PCDHGB4: variants seen among roughly 807,000 people sequenced by gnomAD.
PCDHGB4 encodes the protein protocadherin gamma-B4.
Under a neutral mutation model 60.5 loss-of-function variants are expected in PCDHGB4, and 38 were observed. That is an observed-to-expected ratio of 0.63 (90% CI 0.48 to 0.82). PCDHGB4 has a LOEUF of 0.82. Ranked by LOEUF, PCDHGB4 falls within the 40% of genes least tolerant of loss-of-function variation. The pLI is 0.00. For synonymous variants in PCDHGB4, 456 were observed against 509.7 expected, an observed-to-expected ratio of 0.89 and a Z score of 1.42; for missense variants, 1,109 against 1,209.6, an observed-to-expected ratio of 0.92 and a Z score of 1.23.
intron 1 of PCDHGB4, chr5:141,400,541 T>C: frequency 6.2e-7 from 1 of 1,613,832 alleles, no homozygotes; most frequent in Admixed American, 1.7e-5. Flanking sequence ...TTCATTTATG[T>C]CTATTCTTTT....
intron 1 of PCDHGB4, chr5:141,404,674 T>C: frequency 1.9e-6 from 3 of 1,614,176 alleles, no homozygotes; most frequent in East Asian, 2.2e-5. Context: ...GTTCTACTGG[T>C]GTGGAGCTGG....
intron 1 of PCDHGB4, chr5:141,423,287 C>T: frequency 6.3e-7 from 1 of 1,586,406 alleles, no homozygotes; most frequent in South Asian, 1.1e-5. Flanking sequence ...AACTCTGAAA[C>T]CTCAGACCTC....
intron 1 of PCDHGB4, chr5:141,398,032 C>A: frequency 6.8e-7 from 1 of 1,469,940 alleles, no homozygotes; most frequent in South Asian, 1.4e-5. Flanking sequence ...GGAACTGGAA[C>A]TAAAGCCCGT....
intron 1 of PCDHGB4, chr5:141,423,612 T>G: frequency 6.2e-7 from 1 of 1,611,004 alleles, no homozygotes; most frequent in Non-Finnish European, 8.5e-7. Flanking sequence ...TCTTGATAGC[T>G]GAAGACTCAG....
At position 141,388,909 on chromosome 5, in the gene PCDHGB4, C is replaced by T; in HGVS notation, c.1025C>T (p.Ala342Val). The change falls in exon 1 of 4, where the codon GCC becomes GTC. Residue 342 changes from alanine to valine, a missense_variant. Around this residue, in one of 2 missense-constraint regions of PCDHGB4, gnomAD observed 1,068 missense variants for 1,089.9 expected, o/e 0.98. Coordinates refer to ENST00000519479, the MANE Select transcript of PCDHGB4 (RefSeq NM_003736.4). ...EVEVIDENDNAPEVIFQSLPN... is the reference protein window; with the variant it reads ...EVEVIDENDNVPEVIFQSLPN... The stretch of plus-strand genomic sequence containing the variant: ...GAAGTCATAGATGAAAATGACAACG[C>T]CCCAGAAGTGATATTCCAGTCTCTA... 6.2e-7 allele frequency: 1 copy of T among 1,613,902 alleles called. No homozygotes were observed.
At position 141,404,057 on chromosome 5, in the gene PCDHGB4, T is replaced by G. The variant is rs558471539; in HGVS notation, c.2397+13776T>G. ...ACCTCAGGGAACAGTAATTCTTCTT[T>G]TCAATGCTCATGACCGAGACTCCGG... On this transcript the variant is annotated intron_variant, in intron 1 of 3. Coordinates refer to ENST00000519479, the MANE Select transcript of PCDHGB4 (RefSeq NM_003736.4). 9.5e-5 allele frequency: 154 copies of G among 1,613,894 alleles called. No individual in the cohort carries two copies. The East Asian group carries it at 3.4e-3, about 36-fold the overall frequency.
intron 1 of PCDHGB4, chr5:141,393,962 CTG>C: frequency 6.2e-7 from 1 of 1,613,894 alleles, no homozygotes; most frequent in Non-Finnish European, 8.5e-7. Context: ...GTCAAGTTGT[CTG>C]TTACACACGT....
Position 141,432,917 on chromosome 5 carries a change from C to A in PCDHGB4, c.2397+42636C>A. 6.2e-7 allele frequency: 1 copy of A among 1,614,166 alleles called. No homozygotes were observed. Among genetic ancestry groups the A allele is most frequent in the South Asian group, 1.1e-5 (1 of 91,086 alleles). On this transcript the variant is annotated intron_variant, in intron 1 of 3. Transcript: ENST00000519479. This position sits in a 1 kb window ranked among gnomAD's most constrained non-coding sequence, Gnocchi z 6.0. The stretch of plus-strand genomic sequence containing the variant: ...GCTGGCGCTCAGGCTGCGGCGCTGG[C>A]ACAAGTCACGCCTGCTGCAGGCTTC...
At chr5:141,456,175 A>G (rs2154565434) in intron 1 of PCDHGB4, among the ~76,000 whole-genome samples, 1 of 151,840 alleles carries the variant, frequency 6.6e-6, no homozygotes, top group East Asian at 1.9e-4. Context: ...GGGATTACAG[A>G]ATAATTTCTT....
At chr5:141,500,184 TTTTATTTATTTA>T (rs58019021) in intron 2 of PCDHGB4, among the ~76,000 whole-genome samples, 197 of 135,960 alleles carry the variant, frequency 1.4e-3, no homozygotes, top group African/African-American at 3.6e-3. Context: ...TCATTTTTAT[TTTTATTTATTTA>T]TTTATTTATT....
Position 141,431,560 on chromosome 5 carries a change from C to G in PCDHGB4, c.2397+41279C>G, listed in dbSNP as rs751276470. The G allele has an allele frequency of 6.2e-7, 1 of 1,613,986 alleles. No individual in the cohort carries two copies. The highest frequency in any genetic ancestry group is 1.7e-5 in the Admixed American group (1 of 60,016). On this transcript the variant is annotated intron_variant, in intron 1 of 3. Transcript: ENST00000519479. This position sits in a 1 kb window ranked among gnomAD's most constrained non-coding sequence, Gnocchi z 4.8. Reference sequence around the variant, plus strand: ...CGCAGCTGCTTGTAGTCAACGCTACCGACCCTGACGAAGGAGTCAATGCGG... The same window carrying G: ...CGCAGCTGCTTGTAGTCAACGCTACGGACCCTGACGAAGGAGTCAATGCGG...
chr5:141,468,463 T>G (rs574151637), intron 1 of PCDHGB4: 6 of 152,282 alleles, frequency 3.9e-5, no homozygotes, highest in African/African-American at 1.4e-4. Flanking sequence ...AGCAAGTTAT[T>G]TCTGAGGAGA....
chr5:141,415,095 C>G, intron 1 of PCDHGB4: 2 of 1,613,584 alleles, frequency 1.2e-6, no homozygotes, highest in Non-Finnish European at 1.7e-6. Context: ...TGGACAGAGA[C>G]GCGCTCAAGC....
At chr5:141,427,461 G>A (rs1397917549) in intron 1 of PCDHGB4, 1 of 497,998 alleles carries the variant, frequency 2.0e-6, no homozygotes, top group Admixed American at 2.3e-5. Context: ...TTTTAGAATC[G>A]AATCTTCCGC....
intron 1 of PCDHGB4, among the ~76,000 whole-genome samples, chr5:141,474,000 C>T (rs2099336161): frequency 6.6e-6 from 1 of 152,076 alleles, no homozygotes. Context: ...GCCCAAGGAG[C>T]TGGAAGTTAC....
chr5:141,499,572 T>C (rs2099792782), intron 2 of PCDHGB4, among the ~76,000 whole-genome samples: 1 of 152,178 alleles, frequency 6.6e-6, no homozygotes, highest in Admixed American at 6.5e-5. Flanking sequence ...CAGCTTCAAC[T>C]AATGCCTTAT....
At chr5:141,409,979 G>T in intron 1 of PCDHGB4, 1 of 1,613,348 alleles carries the variant, frequency 6.2e-7, no homozygotes, top group Non-Finnish European at 8.5e-7. Flanking sequence ...TAAGGTGGTA[G>T]CGGTGGACGC....
rs966009387 is a variant in PCDHGB4, at chr5:141,511,564, G to A, written c.*391G>A. The A allele has an allele frequency of 3.0e-5, 9 of 295,900 alleles. No individual in the cohort carries two copies. The highest frequency in any genetic ancestry group is 4.6e-5 in the Non-Finnish European group (7 of 151,798). The allele number at this position is 295,900 out of a possible 1,614,324, so 18.3% of individuals were successfully genotyped here. A position where few individuals can be genotyped will look rare whatever the true frequency, so the allele number is the denominator to read the frequency against. ...CCCACTCCAACAGTTCCTCTTTCCC[G>A]AGTAAGGTGGTTGGGGTGTTGAAGT... On this transcript the variant is annotated 3_prime_UTR_variant, in exon 4 of 4. Transcript: ENST00000519479.
intron 1 of PCDHGB4, chr5:141,398,756 T>C: frequency 1.9e-6 from 3 of 1,613,924 alleles, no homozygotes; most frequent in Non-Finnish European, 2.5e-6. Context: ...TACCATCGTT[T>C]AGTCCTGACT....
Sources: allele counts gnomAD v4.1 joint callset (sites outside exome capture counted in the v4.1 genomes callset), GRCh38; gene constraint gnomAD v4.1.1; regional missense constraint gnomAD v4.1.1; non-coding constraint Gnocchi (gnomAD v3.1); transcripts MANE v1.5; gene names NCBI Gene and HGNC (gene_info 2026-07-23, HGNC 2026-07-21).